PDZRN3: variants seen among roughly 807,000 people sequenced by gnomAD.
PDZRN3 encodes E3 ubiquitin-protein ligase PDZRN3.
A neutral mutation model predicts 85.7 loss-of-function variants in PDZRN3; 38 were observed. That is an observed-to-expected ratio of 0.44 (90% CI 0.34 to 0.58). The LOEUF (loss-of-function observed/expected upper bound fraction) is 0.58, where lower values mean the gene tolerates loss of function less well. Among genes scored for constraint, PDZRN3 ranks in the 20% least tolerant of loss-of-function variants. PDZRN3 has a pLI of 0.01. For missense variants in PDZRN3, 1,629 were observed against 1,506.4 expected (o/e 1.08, Z -1.35); for synonymous variants, 759 against 638.0 (o/e 1.19, Z -2.86).
intron 3 of PDZRN3, among the ~76,000 whole-genome samples, chr3:73,514,052 T>C (rs1324803307): frequency 6.6e-6 from 1 of 152,164 alleles, no homozygotes; most frequent in Non-Finnish European, 1.5e-5. Flanking sequence ...AGGAAGGTGA[T>C]TAGTAATGCA....
chr3:73,405,752 C>T (rs1701841866), intron 3 of PDZRN3, among the ~76,000 whole-genome samples: 1 of 152,176 alleles, frequency 6.6e-6, no homozygotes, highest in African/African-American at 2.4e-5. Flanking sequence ...CAGCCTTTTC[C>T]TATTTGGCAT....
intron 3 of PDZRN3, among the ~76,000 whole-genome samples, chr3:73,419,105 A>G (rs1229786622): frequency 6.6e-6 from 1 of 152,188 alleles, no homozygotes; most frequent in Non-Finnish European, 1.5e-5. Context: ...GATTTATTAG[A>G]CATGGGTAGA....
intron 3 of PDZRN3, among the ~76,000 whole-genome samples, chr3:73,436,148 T>C (rs1702527207): frequency 1.3e-5 from 2 of 152,238 alleles, no homozygotes; most frequent in South Asian, 4.1e-4. Flanking sequence ...TCTTCCAAAG[T>C]ACTGTGTCGT....
intron 5 of PDZRN3, among the ~76,000 whole-genome samples, chr3:73,399,878 T>A (rs1353176977): frequency 6.6e-6 from 1 of 152,180 alleles, no homozygotes; most frequent in African/African-American, 2.4e-5. Flanking sequence ...ATCAGTGAAG[T>A]CATCGTTTGC....
chr3:73,509,125 TA>T (rs1255387647), intron 3 of PDZRN3, among the ~76,000 whole-genome samples: 1 of 152,240 alleles, frequency 6.6e-6, no homozygotes, highest in Non-Finnish European at 1.5e-5. Flanking sequence ...AGGCAAGATA[TA>T]AATAGTAGTT....
intron 3 of PDZRN3, among the ~76,000 whole-genome samples, chr3:73,423,784 G>C (rs908091176): frequency 1.3e-5 from 2 of 152,120 alleles, no homozygotes; most frequent in Non-Finnish European, 2.9e-5. Flanking sequence ...CTTTCCTTCA[G>C]AATTTGGGGT....
chr3:73,385,454 A>G (rs960471494), intron 9 of PDZRN3, among the ~76,000 whole-genome samples: 6 of 152,220 alleles, frequency 3.9e-5, no homozygotes, highest in African/African-American at 1.2e-4. Context: ...TGCTTTGGCA[A>G]TGTTGCTTAG....
intron 5 of PDZRN3, among the ~76,000 whole-genome samples, chr3:73,392,594 A>G (rs1438431682): frequency 3.9e-5 from 6 of 152,214 alleles, no homozygotes; most frequent in Non-Finnish European, 8.8e-5. Context: ...TGACTGCCCC[A>G]TAGAAAGTCC....
At chr3:73,550,772 G>A (rs1169225716) in intron 3 of PDZRN3, among the ~76,000 whole-genome samples, 2 of 152,218 alleles carry the variant, frequency 1.3e-5, no homozygotes, top group Non-Finnish European at 1.5e-5. Flanking sequence ...ATCAGGGTAA[G>A]GAAAGGATGA....
At chr3:73,537,550 GT>G (rs1471033231) in intron 3 of PDZRN3, among the ~76,000 whole-genome samples, 4 of 152,154 alleles carry the variant, frequency 2.6e-5, no homozygotes, top group African/African-American at 9.7e-5. Flanking sequence ...TCTATGGAAT[GT>G]TCTGAAATTA....
chr3:73,516,503 G>A (rs980340654), intron 3 of PDZRN3, among the ~76,000 whole-genome samples: 2 of 152,132 alleles, frequency 1.3e-5, no homozygotes, highest in Non-Finnish European at 2.9e-5. Context: ...TTTCTATTGG[G>A]TAGTGTGTCT....
In PDZRN3 at chr3:73,383,257, TG is replaced by T. The variant is rs1420699466; in HGVS notation, c.*107del. 16 of 1,061,390 alleles carry T rather than the reference TG, an allele frequency of 1.5e-5. No homozygotes were observed. Among genetic ancestry groups the T allele is most frequent in the Non-Finnish European group, 2.2e-5 (16 of 724,474 alleles). 65.7% of individuals were successfully genotyped at this position (1,061,390 alleles called of 1,614,324 possible). A position where few individuals can be genotyped will look rare whatever the true frequency, so the allele number is the denominator to read the frequency against. On this transcript the variant is annotated 3_prime_UTR_variant, in exon 10 of 10. Coordinates refer to ENST00000263666, the MANE Select transcript of PDZRN3 (RefSeq NM_015009.3). Reference sequence around the variant, plus strand: ...GGTTTGCAAATTTGGACTATAAACATGAAGACCGTACTTATCTTATATACAA... The same window carrying T: ...GGTTTGCAAATTTGGACTATAAACATAAGACCGTACTTATCTTATATACAA...
chr3:73,557,697 T>C (rs1701732026), intron 3 of PDZRN3, among the ~76,000 whole-genome samples: 1 of 152,186 alleles, frequency 6.6e-6, no homozygotes, highest in African/African-American at 2.4e-5. Context: ...TCTTATGTCT[T>C]ATGACTAACA....
chr3:73,398,875 G>GTTTCC (rs1701692993), intron 5 of PDZRN3, among the ~76,000 whole-genome samples: 1 of 152,148 alleles, frequency 6.6e-6, no homozygotes, highest in African/African-American at 2.4e-5. Flanking sequence ...GTGGTATAGT[G>GTTTCC]TTTCCTTTAA....
At chr3:73,465,242 C>A (rs1703190250) in intron 3 of PDZRN3, among the ~76,000 whole-genome samples, 1 of 152,140 alleles carries the variant, frequency 6.6e-6, no homozygotes, top group Non-Finnish European at 1.5e-5. Flanking sequence ...TACTAAACAG[C>A]CAATGGATGA....
At chr3:73,619,281 C>G (rs974191929) in intron 1 of PDZRN3, among the ~76,000 whole-genome samples, 58 of 152,160 alleles carry the variant, frequency 3.8e-4, no homozygotes, top group African/African-American at 1.4e-3. Flanking sequence ...ATATCAAGAG[C>G]TTACAGTGCA....
At chr3:73,571,833 A>G (rs557156878) in intron 3 of PDZRN3, among the ~76,000 whole-genome samples, 1 of 152,164 alleles carries the variant, frequency 6.6e-6, no homozygotes, top group Non-Finnish European at 1.5e-5. Context: ...TGTGGTCACA[A>G]ATGTGTCCCG....
rs1228198197 is a variant in PDZRN3 at position 73,624,316 on chromosome 3, G to A, written c.510C>T (p.Asn170=). 9.9e-6 allele frequency: 13 copies of A among 1,316,442 alleles called. No individual in the cohort carries two copies. Among genetic ancestry groups the A allele is most frequent in the Middle Eastern group, 2.8e-4 (1 of 3,518 alleles). The allele number at this position is 1,316,442 out of a possible 1,614,324, so 81.5% of individuals were successfully genotyped here. ...CGCCCAGGCGGGCCTGGAGCGCGCC[G>A]TTGTGCGCCCGCAGCGCTCGCGCGC... ...HCCARALRAH[N]GALQARLGAL... Residue 170 remains asparagine, a synonymous_variant, in exon 1 of 10, where the codon AAC becomes AAT. Coordinates refer to ENST00000263666, the MANE Select transcript of PDZRN3 (RefSeq NM_015009.3).
At chr3:73,600,923 C>G (rs1200298366) in intron 3 of PDZRN3, among the ~76,000 whole-genome samples, 4 of 152,210 alleles carry the variant, frequency 2.6e-5, no homozygotes, top group African/African-American at 9.6e-5. Context: ...AAGACTGACT[C>G]TAAACCATGC....
Sources: gnomAD v4.1 joint callset for allele counts (sites outside exome capture counted in the v4.1 genomes callset) on GRCh38, gnomAD v4.1.1 for gene constraint, MANE v1.5 for transcripts, NCBI Gene and HGNC (gene_info 2026-07-23, HGNC 2026-07-21) for gene names.